The following ADGRB3 variants were observed in gnomAD, a reference collection of about 807,000 sequenced individuals.
ADGRB3 encodes brain-specific angiogenesis inhibitor 3.
ADGRB3 carries 37 observed loss-of-function variants against 193.4 expected under a neutral mutation model. The observed-to-expected ratio is 0.19, with a 90% CI of 0.15 to 0.25. The LOEUF is 0.25. Ranked by LOEUF, ADGRB3 falls within the 10% of genes least tolerant of loss-of-function variation. The pLI is 1.00. For missense variants in ADGRB3, 1,637 were observed against 1,852.9 expected, an observed-to-expected ratio of 0.88 and a Z score of 2.14; for synonymous variants, 690 against 644.2, an observed-to-expected ratio of 1.07 and a Z score of -1.08.
chr6:68,740,933 C>G (rs1408877695), intron 3 of ADGRB3, among the ~76,000 whole-genome samples: 1 of 152,116 alleles, frequency 6.6e-6, no homozygotes, highest in Non-Finnish European at 1.5e-5. Flanking sequence ...CTCCTCACCC[C>G]CACCAACTTC....
intron 17 of ADGRB3, among the ~76,000 whole-genome samples, chr6:69,202,693 T>G (rs997056302): frequency 6.6e-6 from 1 of 152,166 alleles, no homozygotes; most frequent in Non-Finnish European, 1.5e-5. Context: ...GGTAGCTGAA[T>G]TTTTATGAAC....
intron 17 of ADGRB3, among the ~76,000 whole-genome samples, chr6:69,087,160 C>T (rs1179000443): frequency 6.6e-6 from 1 of 152,078 alleles, no homozygotes; most frequent in Non-Finnish European, 1.5e-5. Context: ...GTATCTGGTA[C>T]CTACAAAAGG....
intron 11 of ADGRB3, among the ~76,000 whole-genome samples, chr6:69,004,435 T>C (rs1015688243): frequency 1.3e-5 from 2 of 152,138 alleles, no homozygotes; most frequent in African/African-American, 4.8e-5. Context: ...TTATTATACT[T>C]TAAGTTCTAG....
rs143651478 is a variant in ADGRB3 at position 68,816,086 on chromosome 6, A to G, written c.758-114473A>G. 5.8e-4 allele frequency among the ~76,000 whole-genome samples: 88 copies of G among 152,172 alleles called. 1 individual carries two copies. The highest frequency in any genetic ancestry group is 1.9e-3 in the African/African-American group (79 of 41,568). ...TTAAATACAGTGGACAAAAACTTCT[A>G]TTTGGAAGAATAAAAATTAGTTGAT... On this transcript the variant is annotated intron_variant, in intron 3 of 31. Coordinates refer to ENST00000370598, the MANE Select transcript of ADGRB3 (RefSeq NM_001704.3).
chr6:68,759,817 A>G (rs1279203099), intron 3 of ADGRB3, among the ~76,000 whole-genome samples: 2 of 152,126 alleles, frequency 1.3e-5, no homozygotes, highest in Non-Finnish European at 2.9e-5. Context: ...AGGTAAAAAA[A>G]TGAAAACTAT....
intron 3 of ADGRB3, among the ~76,000 whole-genome samples, chr6:68,847,852 G>A (rs570894121): frequency 6.6e-6 from 1 of 151,964 alleles, no homozygotes; most frequent in African/African-American, 2.4e-5. Context: ...AGTAAGTTCA[G>A]AAGGAAGTAG....
intron 21 of ADGRB3, 98 bp downstream of exon 21, chr6:69,325,120 T>C (rs1768540080): frequency 1.4e-6 from 2 of 1,387,874 alleles, no homozygotes; most frequent in Admixed American, 2.4e-5. Flanking sequence ...CTACTTTGTG[T>C]CTAATTTAAT....
At chr6:68,926,958 CTTTGATTGTA>C (rs1767199105) in intron 3 of ADGRB3, among the ~76,000 whole-genome samples, 1 of 151,990 alleles carries the variant, frequency 6.6e-6, no homozygotes, top group Non-Finnish European at 1.5e-5. Flanking sequence ...TTTCATGTAA[CTTTGATTGTA>C]TCTGACTTCC....
intron 10 of ADGRB3, among the ~76,000 whole-genome samples, chr6:68,976,078 G>A (rs556976013): frequency 6.6e-6 from 1 of 152,256 alleles, no homozygotes; most frequent in African/African-American, 2.4e-5. Flanking sequence ...AGCCAACTGG[G>A]AAGTTTAATC....
At chr6:68,670,385 A>G (rs1383753609) in intron 3 of ADGRB3, among the ~76,000 whole-genome samples, 1 of 151,940 alleles carries the variant, frequency 6.6e-6, no homozygotes, top group African/African-American at 2.4e-5. Flanking sequence ...TTCTTGTAGT[A>G]GTTTCATAGT....
At chr6:69,370,415 C>T (rs140405038) in intron 29 of ADGRB3, among the ~76,000 whole-genome samples, 1 of 152,206 alleles carries the variant, frequency 6.6e-6, no homozygotes, top group East Asian at 1.9e-4. Flanking sequence ...CACTCCAAAT[C>T]CCACCACCAT....
intron 3 of ADGRB3, among the ~76,000 whole-genome samples, chr6:68,886,241 A>G (rs1313454696): frequency 6.6e-6 from 1 of 152,240 alleles, no homozygotes; most frequent in East Asian, 1.9e-4. Flanking sequence ...CTTGCTGGAC[A>G]TTATTTAGTC....
At chr6:68,906,763 T>C (rs1766560120) in intron 3 of ADGRB3, among the ~76,000 whole-genome samples, 1 of 152,034 alleles carries the variant, frequency 6.6e-6, no homozygotes, top group South Asian at 2.1e-4. Context: ...GGTTTGTCTG[T>C]TAATTTTGTA....
At chr6:69,237,283 G>A (rs1034895252) in intron 19 of ADGRB3, among the ~76,000 whole-genome samples, 1 of 151,938 alleles carries the variant, frequency 6.6e-6, no homozygotes, top group African/African-American at 2.4e-5. Flanking sequence ...TGATTTCTAA[G>A]GAGTTGTAAT....
intron 3 of ADGRB3, among the ~76,000 whole-genome samples, chr6:68,649,780 G>T (rs976526187): frequency 8.5e-5 from 13 of 152,248 alleles, no homozygotes; most frequent in South Asian, 4.1e-4. Context: ...GCAAAGTCAG[G>T]GTGTCTCTTT....
rs536606613 is a variant in ADGRB3 at position 68,895,914 on chromosome 6, G to A, written c.758-34645G>A. On this transcript the variant is annotated intron_variant, in intron 3 of 31. Coordinates refer to ENST00000370598, the MANE Select transcript of ADGRB3 (RefSeq NM_001704.3). ...ATTAACTGTTAAAAACAAAATTTAT[G>A]ATTATTTATTATTAAAAATATGGAG... 2.6e-5 allele frequency among the ~76,000 whole-genome samples: 4 copies of A among 151,974 alleles called. No individual in the cohort carries two copies. In the South Asian group the frequency reaches 8.3e-4, roughly 31 times the overall value.
chr6:69,297,368 T>TTTCTCTCTCTCTCTCTCTCTCTCTC (rs1767846540), intron 20 of ADGRB3, among the ~76,000 whole-genome samples: 1 of 97,612 alleles, frequency 1.0e-5, no homozygotes, highest in East Asian at 4.5e-4. Flanking sequence ...CTCTCTCTCT[T>TTTCTCTCTCTCTCTCTCTCTCTCTC]TCTCTCTCTC....
At chr6:68,939,669 A>G (rs1767583250) in intron 5 of ADGRB3, among the ~76,000 whole-genome samples, 1 of 152,170 alleles carries the variant, frequency 6.6e-6, no homozygotes, top group Non-Finnish European at 1.5e-5. Flanking sequence ...TTGTGCTCAA[A>G]TATTTTATGT....
chr6:68,782,872 T>G (rs1384629945), intron 3 of ADGRB3, among the ~76,000 whole-genome samples: 1 of 152,116 alleles, frequency 6.6e-6, no homozygotes, highest in Non-Finnish European at 1.5e-5. Context: ...TTCTGGATAT[T>G]AGCCCTTTGT....
Sources: allele counts gnomAD v4.1 joint callset (sites outside exome capture counted in the v4.1 genomes callset), GRCh38; gene constraint gnomAD v4.1.1; transcripts MANE v1.5; gene names NCBI Gene and HGNC (gene_info 2026-07-23, HGNC 2026-07-21).